The following CCNB3 variants were observed in gnomAD, a reference collection of about 807,000 sequenced individuals.
CCNB3 encodes the protein cyclin B3.
Under a neutral mutation model 68.0 loss-of-function variants are expected in CCNB3, and 12 were observed. The ratio of observed to expected loss-of-function variants is 0.18; its 90% CI spans 0.11 to 0.29. CCNB3 has a LOEUF of 0.29. Among genes scored for constraint, CCNB3 ranks in the 10% least tolerant of loss-of-function variants. The pLI is 1.00. For synonymous variants in CCNB3, 354 were observed against 388.9 expected, an observed-to-expected ratio of 0.91 and a Z score of 1.06; for missense variants, 904 against 993.1, an observed-to-expected ratio of 0.91 and a Z score of 1.21.
chrX:50,226,195 A>G (rs1208783710), intron 1 of CCNB3, among the ~76,000 whole-genome samples: 1 of 67,234 alleles, frequency 1.5e-5, no homozygotes, highest in Admixed American at 2.4e-4. Flanking sequence ...ATATAAATAT[A>G]TATAGAATAT....
chrX:50,287,223 C>T (rs1255154019), intron 3 of CCNB3, among the ~76,000 whole-genome samples: 1 of 110,974 alleles, frequency 9.0e-6, no homozygotes, highest in Non-Finnish European at 1.9e-5. Flanking sequence ...GTGGTTTGCC[C>T]TAACCTCTAA....
intron 1 of CCNB3, among the ~76,000 whole-genome samples, chrX:50,221,385 T>C (rs1233562878): frequency 8.9e-6 from 1 of 111,744 alleles, no homozygotes; most frequent in Non-Finnish European, 1.9e-5. Flanking sequence ...ATTTTAGATC[T>C]TTCCTGCTTT....
In CCNB3 at chrX:50,309,058, T is replaced by G. The variant is rs1569542845; in HGVS notation, c.889T>G (p.Cys297Gly). The change falls in exon 6 of 13, where the codon TGC becomes GGC. Residue 297 changes from cysteine to glycine, a missense_variant. Coordinates refer to ENST00000376042, the MANE Select transcript of CCNB3 (RefSeq NM_033031.3). ...KKKCTIYGKI[C>G]HFRKPPVLQT... Reference sequence around the variant, plus strand: ...GAAATGTACCATTTATGGGAAGATATGCCACTTTAGGAAGCCACCAGTATT... The same window carrying G: ...GAAATGTACCATTTATGGGAAGATAGGCCACTTTAGGAAGCCACCAGTATT... 8.3e-6 allele frequency: 10 copies of G among 1,211,164 alleles called. No homozygotes were observed. Among genetic ancestry groups the G allele is most frequent in the Non-Finnish European group, 1.1e-5 (10 of 895,115 alleles).
At chrX:50,344,428 A>T (rs1469492101) in intron 9 of CCNB3, among the ~76,000 whole-genome samples, 4 of 112,378 alleles carry the variant, frequency 3.6e-5, no homozygotes, top group Non-Finnish European at 7.5e-5. Flanking sequence ...TTTCTGCCGC[A>T]TTTTTTGTCC....
At chrX:50,211,119 C>T (rs1433333191) in intron 1 of CCNB3, among the ~76,000 whole-genome samples, 87 of 110,122 alleles carry the variant, frequency 7.9e-4, no homozygotes, top group Non-Finnish European at 1.4e-3. Context: ...AAAAATTAGC[C>T]GGGCATGGTG....
chrX:50,298,678 T>C (rs1417320569), intron 5 of CCNB3, among the ~76,000 whole-genome samples: 1 of 111,685 alleles, frequency 9.0e-6, no homozygotes, highest in African/African-American at 3.3e-5. Flanking sequence ...CCTCTTTTTC[T>C]ATTGATTGGA....
intron 8 of CCNB3, among the ~76,000 whole-genome samples, chrX:50,337,015 A>G (rs1041823266): frequency 3.6e-5 from 4 of 111,458 alleles, no homozygotes; most frequent in African/African-American, 9.8e-5. Context: ...TATTTTTCCA[A>G]TTGAGGTCAG....
At chrX:50,226,100 G>C (rs1208406453) in intron 1 of CCNB3, among the ~76,000 whole-genome samples, 1 of 74,623 alleles carries the variant, frequency 1.3e-5, no homozygotes, top group East Asian at 4.0e-4. Context: ...AATATATATA[G>C]AATATGTATA....
intron 1 of CCNB3, among the ~76,000 whole-genome samples, chrX:50,219,249 T>C (rs1935632818): frequency 8.9e-6 from 1 of 112,113 alleles, no homozygotes. Flanking sequence ...TAGTTTATTT[T>C]GCTGTGCAGA....
chrX:50,206,038 C>A (rs1485960990), intron 1 of CCNB3, among the ~76,000 whole-genome samples: 2 of 108,617 alleles, frequency 1.8e-5, no homozygotes, highest in Non-Finnish European at 3.8e-5. Flanking sequence ...ATCACGAGAT[C>A]AAAAGATCGA....
intron 1 of CCNB3, among the ~76,000 whole-genome samples, chrX:50,226,693 TAGAATATACATATGAATATGTACAC>T (rs1935830870): frequency 3.9e-5 from 3 of 76,534 alleles, no homozygotes; most frequent in Non-Finnish European, 7.0e-5. Flanking sequence ...TAAATATATA[TAGAATATACATATGAATATGTACAC>T]AGAATATACA....
chrX:50,228,623 T>C (rs1165425943), intron 1 of CCNB3, among the ~76,000 whole-genome samples: 1 of 84,693 alleles, frequency 1.2e-5, no homozygotes, highest in East Asian at 3.4e-4. Context: ...ATAGAATATA[T>C]ATAGAATATA....
At chrX:50,302,164 C>T (rs1205817694) in intron 5 of CCNB3, among the ~76,000 whole-genome samples, 3 of 112,259 alleles carry the variant, frequency 2.7e-5, no homozygotes. Context: ...CTGGCACTCC[C>T]CAGTGAGGTG....
Position 50,308,983 on chromosome X carries a change from C to A in CCNB3, c.814C>A (p.Pro272Thr). Residue 272 changes from proline (P) to threonine (T), a missense_variant, in exon 6 of 13, where the codon CCT (proline) becomes ACT (threonine). Pro to Thr is a conservative substitution (Grantham distance 38). This residue lies in a region of CCNB3 where 619 missense variants were observed against 609.8 expected (regional missense o/e 1.02). Transcript: ENST00000376042. ...GGAGTCAATGAGTTTTAAGAAGAAG[C>A]CTAAAACTGAGGAGTCAATCCCCAC... ...FMESMSFKKK[P>T]KTEESIPTHK... The A allele has an allele frequency of 8.3e-7, 1 of 1,210,045 alleles. No individual in the cohort carries two copies. The highest frequency in any genetic ancestry group is 1.1e-6 in the Non-Finnish European group (1 of 894,315).
chrX:50,285,837 T>C (rs1473461522), intron 3 of CCNB3, among the ~76,000 whole-genome samples: 1 of 112,016 alleles, frequency 8.9e-6, no homozygotes, highest in Middle Eastern at 4.2e-3. Flanking sequence ...ATTTCCTTGA[T>C]TGGTTTTCTC....
At chrX:50,318,803 T>C (rs1921873937) in intron 8 of CCNB3, among the ~76,000 whole-genome samples, 1 of 111,761 alleles carries the variant, frequency 8.9e-6, no homozygotes, top group East Asian at 2.8e-4. Flanking sequence ...TGTGGCTTAC[T>C]GTGCTTAAAC....
rs1051215074 is a variant in CCNB3 at position 50,310,113 on chromosome X, C to T, written c.1944C>T (p.Thr648=). ...EPSALKEKHT[T]LQEVSLSKES... is the part of the protein sequence containing the mutation. The stretch of plus-strand genomic sequence containing the variant: ...CTGCATTGAAAGAGAAGCATACCAC[C>T]TTGCAGGAAGTGTCCCTCTCAAAAG... Residue 648 remains threonine, a synonymous_variant, in exon 6 of 13, where the codon ACC becomes ACT. Coordinates refer to ENST00000376042, the MANE Select transcript of CCNB3 (RefSeq NM_033031.3). 6.6e-6 allele frequency: 8 copies of T among 1,209,893 alleles called. No homozygotes were observed. The highest frequency in any genetic ancestry group is 8.9e-6 in the Non-Finnish European group (8 of 894,994).
At chrX:50,294,482 C>A (rs1019895240) in intron 4 of CCNB3, among the ~76,000 whole-genome samples, 1 of 111,230 alleles carries the variant, frequency 9.0e-6, no homozygotes, top group African/African-American at 3.3e-5. Context: ...ATCATACTGC[C>A]TTTTTTCCCC....
intron 1 of CCNB3, among the ~76,000 whole-genome samples, chrX:50,224,902 G>A (rs1464995317): frequency 2.7e-5 from 3 of 111,390 alleles, no homozygotes; most frequent in Non-Finnish European, 5.7e-5. Flanking sequence ...CATGTCTCAG[G>A]ATCCTCATCT....
Sources: allele counts gnomAD v4.1 joint callset (sites outside exome capture counted in the v4.1 genomes callset), GRCh38; gene constraint gnomAD v4.1.1; regional missense constraint gnomAD v4.1.1; transcripts MANE v1.5; gene names NCBI Gene and HGNC (gene_info 2026-07-23, HGNC 2026-07-21).